Variants in PCDHGA3 observed in about 807,000 individuals in gnomAD.
PCDHGA3 encodes protocadherin gamma-A3.
Under a neutral mutation model 58.5 loss-of-function variants are expected in PCDHGA3, and 40 were observed. The ratio of observed to expected loss-of-function variants is 0.68; its 90% CI spans 0.53 to 0.89. The LOEUF (loss-of-function observed/expected upper bound fraction) is 0.89, where lower values mean the gene tolerates loss of function less well. PCDHGA3 is among the 40% of genes least tolerant of loss of function. The pLI is 0.00. For synonymous variants in PCDHGA3, 530 were observed against 525.7 expected (o/e 1.01, Z -0.11); for missense variants, 1,223 against 1,195.9 (o/e 1.02, Z -0.33).
intron 1 of PCDHGA3, chr5:141,430,769 G>T: frequency 6.6e-7 from 1 of 1,508,212 alleles, no homozygotes; most frequent in Non-Finnish European, 8.9e-7. Context: ...AATGATTCCT[G>T]CGCGACTGCA....
At chr5:141,510,311 C>T (rs375516156) in intron 3 of PCDHGA3, among the ~76,000 whole-genome samples, 98 of 151,056 alleles carry the variant, frequency 6.5e-4, no homozygotes, top group African/African-American at 2.3e-3. Flanking sequence ...GAAATGGAGG[C>T]TTGGAAGAGC....
At chr5:141,450,549 C>T (rs1414500813) in intron 1 of PCDHGA3, among the ~76,000 whole-genome samples, 2 of 151,756 alleles carry the variant, frequency 1.3e-5, no homozygotes, top group Non-Finnish European at 2.9e-5. Context: ...TGCAGTGGCG[C>T]AGTCTCGGCT....
rs1309124846 is a variant in PCDHGA3, at chr5:141,491,295, T to C, written c.2425-3512T>C. On this transcript the variant is annotated intron_variant, in intron 1 of 3. Coordinates refer to ENST00000253812, the MANE Select transcript of PCDHGA3 (RefSeq NM_018916.4). This position sits in a 1 kb window ranked among gnomAD's most constrained non-coding sequence, Gnocchi z 6.9. ...CCAGTGACTTCCTCATACACCCTCC[T>C]GAGCGTTCAGACCTTACCCTTTACC... The C allele has an allele frequency of 6.2e-7, 1 of 1,614,176 alleles. No homozygotes were observed. Among genetic ancestry groups the C allele is most frequent in the Non-Finnish European group, 8.5e-7 (1 of 1,179,994 alleles).
chr5:141,379,137 C>A (rs1322597414), intron 1 of PCDHGA3: 2 of 152,216 alleles, frequency 1.3e-5, no homozygotes, highest in African/African-American at 2.4e-5. Context: ...AAATGAGAAC[C>A]TCCTTTGTAA....
At chr5:141,421,351 A>G in intron 1 of PCDHGA3, 2 of 1,613,988 alleles carry the variant, frequency 1.2e-6, no homozygotes, top group Non-Finnish European at 1.7e-6. Flanking sequence ...AGAGACCGAA[A>G]AGGGCTCCTT....
intron 3 of PCDHGA3, 89 bp downstream of exon 3, chr5:141,505,570 C>G: frequency 6.3e-7 from 1 of 1,598,162 alleles, no homozygotes; most frequent in Admixed American, 1.7e-5. Context: ...GACTGGATGT[C>G]AAACCTGTGT....
At chr5:141,437,197 G>A (rs535640562) in intron 1 of PCDHGA3, among the ~76,000 whole-genome samples, 69 of 152,330 alleles carry the variant, frequency 4.5e-4, no homozygotes, top group Non-Finnish European at 7.8e-4. Flanking sequence ...GGGTTTGGAT[G>A]TGTTTACATT....
Position 141,491,712 on chromosome 5 carries a change from G to C in PCDHGA3, c.2425-3095G>C. 3.1e-6 allele frequency: 5 copies of C among 1,609,408 alleles called. No individual in the cohort carries two copies. Among genetic ancestry groups the C allele is most frequent in the Middle Eastern group, 1.7e-4 (1 of 6,024 alleles). ...GGGAGCGGAGCCAGGTGAGGGGCTCGGCGCCGCCCCGGGCGACCCCTGGGG... is the reference window on the plus strand; with the variant it reads ...GGGAGCGGAGCCAGGTGAGGGGCTCCGCGCCGCCCCGGGCGACCCCTGGGG... On this transcript the variant is annotated intron_variant, in intron 1 of 3. Transcript: ENST00000253812. The surrounding 1 kb of genome is among the most constrained non-coding windows in gnomAD (Gnocchi z 6.9).
At chr5:141,389,111 C>T (rs752785695) in intron 1 of PCDHGA3, 4 of 1,614,008 alleles carry the variant, frequency 2.5e-6, no homozygotes, top group South Asian at 1.1e-5. Flanking sequence ...CTGTTCTAGA[C>T]CGCGAGCAGA....
chr5:141,422,928 C>T lies in PCDHGA3; in HGVS notation c.2425-71879C>T, dbSNP rs781145334. 4 of 1,614,128 alleles carry T rather than the reference C, an allele frequency of 2.5e-6. No individual in the cohort carries two copies. In the African/African-American group the frequency reaches 4.0e-5, roughly 16 times the overall value. On this transcript the variant is annotated intron_variant, in intron 1 of 3. Transcript: ENST00000253812. ...ATGCGCCCGAGATCCTGTACCCTGC[C>T]CTCCCCACAGACGGCTCCACTGGCG...
intron 1 of PCDHGA3, among the ~76,000 whole-genome samples, chr5:141,436,839 A>G (rs1247924864): frequency 6.6e-6 from 1 of 152,260 alleles, no homozygotes; most frequent in African/African-American, 2.4e-5. Flanking sequence ...GTGCCTAGGC[A>G]CATTCTTGAT....
intron 1 of PCDHGA3, chr5:141,388,188 T>C: frequency 6.5e-7 from 1 of 1,540,372 alleles, no homozygotes; most frequent in South Asian, 1.1e-5. Context: ...GAAGCCAGCT[T>C]GTGCTCTGGA....
At chr5:141,384,039 T>C in intron 1 of PCDHGA3, 1 of 1,612,888 alleles carries the variant, frequency 6.2e-7, no homozygotes, top group East Asian at 2.2e-5. Flanking sequence ...GAAAGAATGG[T>C]GAGGTGACCT....
intron 1 of PCDHGA3, chr5:141,419,553 C>T (rs2096398346): frequency 1.2e-5 from 20 of 1,611,902 alleles, no homozygotes; most frequent in Non-Finnish European, 1.4e-5. Flanking sequence ...GTGCTGTACC[C>T]TGCGCTGGGT....
At chr5:141,462,474 C>T (rs2099040477) in intron 1 of PCDHGA3, among the ~76,000 whole-genome samples, 1 of 151,994 alleles carries the variant, frequency 6.6e-6, no homozygotes, top group South Asian at 2.1e-4. Flanking sequence ...TATTCTGCTT[C>T]TCGTGGTTGT....
rs2094486958 is a variant in PCDHGA3, at chr5:141,404,117, A to C, written c.2424+57660A>C. 3 of 1,613,468 alleles carry C rather than the reference A, an allele frequency of 1.9e-6. No homozygotes were observed. Among genetic ancestry groups the C allele is most frequent in the Non-Finnish European group, 1.7e-6 (2 of 1,179,548 alleles). On this transcript the variant is annotated intron_variant, in intron 1 of 3. Coordinates refer to ENST00000253812, the MANE Select transcript of PCDHGA3 (RefSeq NM_018916.4). ...TCAAGTTGTCTGTTCTATCCAGGAG[A>C]ATCTATCTTTTACATTAGAAAATTC...
At chr5:141,455,128 T>C (rs2098813900) in intron 1 of PCDHGA3, among the ~76,000 whole-genome samples, 2 of 151,962 alleles carry the variant, frequency 1.3e-5, no homozygotes, top group Admixed American at 6.6e-5. Context: ...ATGTTTTAAA[T>C]TACACTGTGT....
chr5:141,344,990 T>A lies in PCDHGA3; in HGVS notation c.957T>A (p.Ile319=), dbSNP rs1219698776. ...YEDAMFYEIK[I]EAQDGPGLLS... ...ATGCCATGTTCTATGAAATTAAAAT[T>A]GAAGCACAGGATGGACCAGGTCTTC... The change falls in exon 1 of 4, where the codon ATT becomes ATA. Residue 319 remains isoleucine, a synonymous_variant. Coordinates refer to ENST00000253812, the MANE Select transcript of PCDHGA3 (RefSeq NM_018916.4). 7 of 1,613,944 alleles carry A rather than the reference T, an allele frequency of 4.3e-6. No individual in the cohort carries two copies. The highest frequency in any genetic ancestry group is 5.9e-6 in the Non-Finnish European group (7 of 1,179,850).
At chr5:141,358,396 T>C (rs1427310133) in intron 1 of PCDHGA3, among the ~76,000 whole-genome samples, 1 of 152,190 alleles carries the variant, frequency 6.6e-6, no homozygotes, top group Non-Finnish European at 1.5e-5. Flanking sequence ...TGCTTGAAGT[T>C]TACTTTTCCT....
Sources: gnomAD v4.1 joint callset for allele counts (sites outside exome capture counted in the v4.1 genomes callset) on GRCh38, gnomAD v4.1.1 for gene constraint, Gnocchi (gnomAD v3.1) non-coding constraint, MANE v1.5 for transcripts, NCBI Gene and HGNC (gene_info 2026-07-23, HGNC 2026-07-21) for gene names.